MARK1: variants seen among roughly 807,000 people sequenced by gnomAD.
MARK1 encodes serine/threonine-protein kinase MARK1.
In MARK1, 40 loss-of-function variants were observed where a neutral mutation model predicts 96.3. The ratio of observed to expected loss-of-function variants is 0.42; its 90% confidence interval spans 0.32 to 0.54. MARK1 has a LOEUF of 0.54. MARK1 is among the 20% of genes least tolerant of loss of function. The pLI, the probability that MARK1 is intolerant of heterozygous loss-of-function variation, is 0.16. For synonymous variants in MARK1, 317 were observed against 341.2 expected, an observed-to-expected ratio of 0.93 and a Z score of 0.78; for missense variants, 719 against 984.6, an observed-to-expected ratio of 0.73 and a Z score of 3.61.
intron 3 of MARK1, among the ~76,000 whole-genome samples, chr1:220,593,005 G>A (rs547692702): frequency 4.6e-5 from 7 of 152,296 alleles, no homozygotes; most frequent in African/African-American, 1.7e-4. Context: ...AGTAGAAGCA[G>A]TAATTCATTT....
At chr1:220,607,565 A>G (rs1258195467) in intron 6 of MARK1, among the ~76,000 whole-genome samples, 1 of 150,216 alleles carries the variant, frequency 6.7e-6, no homozygotes, top group Non-Finnish European at 1.5e-5. Flanking sequence ...ACTATGTTGA[A>G]TAGGAGTGGT....
At chr1:220,616,721 A>G (rs557988702) in intron 7 of MARK1, among the ~76,000 whole-genome samples, 2 of 152,070 alleles carry the variant, frequency 1.3e-5, no homozygotes, top group South Asian at 2.1e-4. Flanking sequence ...TTTTAGCTTC[A>G]TTTTTCAGAG....
intron 1 of MARK1, 96 bp downstream of exon 1, chr1:220,528,969 C>A: frequency 8.0e-7 from 1 of 1,257,732 alleles, no homozygotes; most frequent in Non-Finnish European, 1.1e-6. Context: ...TGCCTCGGCG[C>A]GGCCACCCGC....
Position 220,604,184 on chromosome 1 carries a change from T to A in MARK1, c.495+47T>A, listed in dbSNP as rs776700022. On this transcript the variant is annotated intron_variant, in intron 6 of 17. Transcript: ENST00000366917. ...TTTGTTTTGCTGATAATTGTAGCGA[T>A]GTACAATGGACAGTATTACAAACTG... 3.2e-6 allele frequency: 4 copies of A among 1,245,786 alleles called. No individual in the cohort carries two copies. In the South Asian group the frequency reaches 4.9e-5, roughly 15 times the overall value. 77.2% of individuals were successfully genotyped at this position (1,245,786 alleles called of 1,614,324 possible). A position where few individuals can be genotyped will look rare whatever the true frequency, so the allele number is the denominator to read the frequency against.
chr1:220,635,506 A>G lies in MARK1; in HGVS notation c.1253A>G (p.Lys418Arg). The G allele has an allele frequency of 1.2e-6, 2 of 1,611,096 alleles. No individual in the cohort carries two copies. The highest frequency in any genetic ancestry group is 1.7e-6 in the Non-Finnish European group (2 of 1,179,296). Residue 418 changes from lysine to arginine, a missense_variant, in exon 12 of 18, where the codon AAG (lysine) becomes AGG (arginine). Lys to Arg is a conservative substitution (Grantham distance 26, BLOSUM62 2). This residue lies in a region of MARK1 where 501 missense variants were observed against 588.3 expected (regional missense o/e 0.85). Transcript: ENST00000366917. ...CAGAGAAGTATCTCAGCAAATCAGA[A>G]GCAGCGGCGTTTCAGTGATCATGGT... ...KVQRSISANQ[K>R]QRRFSDHAGP...
At chr1:220,543,191 C>G (rs1661261385) in intron 1 of MARK1, among the ~76,000 whole-genome samples, 1 of 152,152 alleles carries the variant, frequency 6.6e-6, no homozygotes, top group Non-Finnish European at 1.5e-5. Flanking sequence ...TCCACTGCTT[C>G]CATTTATGTG....
intron 1 of MARK1, among the ~76,000 whole-genome samples, chr1:220,575,222 C>T (rs765374903): frequency 2.3e-4 from 35 of 152,270 alleles, no homozygotes; most frequent in South Asian, 4.1e-4. Context: ...CACATTACCA[C>T]TGCTGCAGAA....
chr1:220,557,840 T>C (rs1662390999), intron 1 of MARK1, among the ~76,000 whole-genome samples: 1 of 151,888 alleles, frequency 6.6e-6, no homozygotes, highest in Admixed American at 6.6e-5. Flanking sequence ...AAGAATAATA[T>C]GGAAAATGCC....
At chr1:220,578,206 ATGT>A (rs1277818866) in intron 1 of MARK1, among the ~76,000 whole-genome samples, 1 of 152,188 alleles carries the variant, frequency 6.6e-6, no homozygotes, top group African/African-American at 2.4e-5. Flanking sequence ...CCAGAGAAAG[ATGT>A]TGTGTTTATT....
At chr1:220,539,701 G>A (rs763723020) in intron 1 of MARK1, among the ~76,000 whole-genome samples, 1 of 151,150 alleles carries the variant, frequency 6.6e-6, no homozygotes, top group East Asian at 1.9e-4. Context: ...TGCCATCCTC[G>A]TATCCTAGGG....
chr1:220,605,177 T>C (rs1039688169), intron 6 of MARK1, among the ~76,000 whole-genome samples: 1 of 152,198 alleles, frequency 6.6e-6, no homozygotes, highest in Non-Finnish European at 1.5e-5. Flanking sequence ...AAATTGACCA[T>C]GAAATGAGTG....
intron 13 of MARK1, among the ~76,000 whole-genome samples, chr1:220,639,738 A>C (rs1461970653): frequency 6.6e-6 from 1 of 152,200 alleles, no homozygotes; most frequent in Non-Finnish European, 1.5e-5. Flanking sequence ...GATGTGTCTT[A>C]GTATACTTGA....
intron 17 of MARK1, among the ~76,000 whole-genome samples, chr1:220,660,597 C>G (rs1013668617): frequency 2.0e-5 from 3 of 151,922 alleles, no homozygotes; most frequent in Non-Finnish European, 4.4e-5. Context: ...ATTATAACAT[C>G]TCTATTTGGA....
intron 4 of MARK1, among the ~76,000 whole-genome samples, chr1:220,599,140 A>T (rs895521645): frequency 2.0e-5 from 3 of 152,218 alleles, no homozygotes; most frequent in African/African-American, 7.2e-5. Flanking sequence ...CAATTTTAGT[A>T]AAATTTTTCA....
intron 13 of MARK1, among the ~76,000 whole-genome samples, chr1:220,647,402 G>T (rs889595720): frequency 1.3e-5 from 2 of 152,156 alleles, no homozygotes; most frequent in Non-Finnish European, 2.9e-5. Flanking sequence ...AGAAACAACA[G>T]ATGCTGGCAA....
chr1:220,651,475 A>G (rs903721392), intron 14 of MARK1, among the ~76,000 whole-genome samples: 1 of 152,186 alleles, frequency 6.6e-6, no homozygotes, highest in African/African-American at 2.4e-5. Context: ...TTTTTCCTAT[A>G]CTAAATTTTA....
chr1:220,569,698 C>T (rs1663306979), intron 1 of MARK1, among the ~76,000 whole-genome samples: 2 of 152,064 alleles, frequency 1.3e-5, no homozygotes, highest in African/African-American at 2.4e-5. Context: ...TTCACACTAA[C>T]ATATCACATA....
intron 3 of MARK1, among the ~76,000 whole-genome samples, chr1:220,589,436 G>T (rs1664845029): frequency 6.6e-6 from 1 of 152,190 alleles, no homozygotes; most frequent in African/African-American, 2.4e-5. Flanking sequence ...GACACTAATG[G>T]AGTTTGGCTA....
chr1:220,565,371 G>T (rs143399135), intron 1 of MARK1, among the ~76,000 whole-genome samples: 2,335 of 152,220 alleles, frequency 0.015, 17 homozygotes, highest in South Asian at 0.035. Flanking sequence ...TATCCCTATG[G>T]TAATATCCAG....
Sources: gnomAD v4.1 joint callset for allele counts (sites outside exome capture counted in the v4.1 genomes callset) on GRCh38, gnomAD v4.1.1 for gene constraint, gnomAD v4.1.1 regional missense constraint, MANE v1.5 for transcripts, NCBI Gene and HGNC (gene_info 2026-07-23, HGNC 2026-07-21) for gene names.